Variants in ITFG1 observed in about 807,000 individuals in gnomAD.
ITFG1 encodes the protein T-cell immunomodulatory protein.
A neutral mutation model predicts 81.8 loss-of-function variants in ITFG1; 34 were observed. The observed-to-expected ratio is 0.42, with a 90% CI of 0.32 to 0.55. The LOEUF (loss-of-function observed/expected upper bound fraction) is 0.55, where lower values mean the gene tolerates loss of function less well. Among genes scored for constraint, ITFG1 ranks in the 20% least tolerant of loss-of-function variants. ITFG1 has a pLI of 0.17. For synonymous variants in ITFG1, 285 were observed against 270.6 expected, an observed-to-expected ratio of 1.05 and a Z score of -0.52; for missense variants, 672 against 755.4, an observed-to-expected ratio of 0.89 and a Z score of 1.29.
intron 12 of ITFG1, among the ~76,000 whole-genome samples, chr16:47,250,644 T>A (rs1215398603): frequency 6.6e-6 from 1 of 152,180 alleles, no homozygotes; most frequent in Admixed American, 6.5e-5. Context: ...GGAGACAATT[T>A]CAAAAACAAA....
intron 8 of ITFG1, among the ~76,000 whole-genome samples, chr16:47,352,139 T>C (rs563708576): frequency 1.4e-4 from 21 of 152,318 alleles, no homozygotes; most frequent in South Asian, 4.1e-4. Flanking sequence ...ATTCGGGACA[T>C]TGGCATGGGG....
At chr16:47,226,669 A>G (rs922965549) in intron 13 of ITFG1, among the ~76,000 whole-genome samples, 1 of 151,882 alleles carries the variant, frequency 6.6e-6, no homozygotes, top group Non-Finnish European at 1.5e-5. Flanking sequence ...GATGGTTTCT[A>G]TTAAAACACT....
intron 6 of ITFG1, among the ~76,000 whole-genome samples, chr16:47,416,652 C>T (rs1467612896): frequency 6.6e-6 from 1 of 152,142 alleles, no homozygotes. Flanking sequence ...TTTAAAGGAG[C>T]CTGGCATTCC....
In ITFG1 at chr16:47,396,217, T is replaced by G. The variant is rs1015948008; in HGVS notation, c.656-20277A>C. 8 of 964,804 alleles carry G rather than the reference T, an allele frequency of 8.3e-6. No individual in the cohort carries two copies. The African/African-American group carries it at 8.8e-5, about 11-fold the overall frequency. 59.8% of individuals were successfully genotyped at this position (964,804 alleles called of 1,614,324 possible). ...CGGCTGCAACTCAGAGCAAATACAT[T>G]GTTAAATGCCAAAATGGAGTAGGTA... On this transcript the variant is annotated intron_variant, in intron 6 of 17. Transcript: ENST00000320640.
chr16:47,162,505 T>C (rs753984407), intron 15 of ITFG1, 35 bp downstream of exon 15: 28 of 1,503,742 alleles, frequency 1.9e-5, no homozygotes, highest in South Asian at 6.1e-5. Flanking sequence ...TATTAAAACA[T>C]AGATTAATTG....
chr16:47,363,804 T>A (rs1968140694), intron 8 of ITFG1, among the ~76,000 whole-genome samples: 1 of 152,206 alleles, frequency 6.6e-6, no homozygotes, highest in Admixed American at 6.6e-5. Flanking sequence ...ATTATTACCC[T>A]TTGGCTCTGT....
At chr16:47,421,582 G>C (rs2151606837) in intron 6 of ITFG1, among the ~76,000 whole-genome samples, 1 of 152,096 alleles carries the variant, frequency 6.6e-6, no homozygotes, top group South Asian at 2.1e-4. Flanking sequence ...GGATTACAGG[G>C]GTGAGCCACC....
At chr16:47,223,815 C>T (rs1045910216) in intron 13 of ITFG1, among the ~76,000 whole-genome samples, 5 of 152,106 alleles carry the variant, frequency 3.3e-5, no homozygotes, top group African/African-American at 1.2e-4. Context: ...GGAACCAACC[C>T]AAATGTCCAA....
intron 12 of ITFG1, among the ~76,000 whole-genome samples, chr16:47,256,414 G>A (rs1241333294): frequency 1.3e-5 from 2 of 152,118 alleles, no homozygotes; most frequent in African/African-American, 4.8e-5. Flanking sequence ...ACTGAACTTG[G>A]TTATTCTAAT....
chr16:47,220,005 A>G (rs1315743653), intron 13 of ITFG1, among the ~76,000 whole-genome samples: 1 of 152,234 alleles, frequency 6.6e-6, no homozygotes, highest in Non-Finnish European at 1.5e-5. Context: ...TCATGAGAGA[A>G]TTAGCAAAAT....
At chr16:47,241,172 T>C (rs531386454) in intron 12 of ITFG1, among the ~76,000 whole-genome samples, 37 of 152,192 alleles carry the variant, frequency 2.4e-4, no homozygotes, top group Admixed American at 9.8e-4. Flanking sequence ...TGTGAAGAAA[T>C]TGGAACTCTC....
chr16:47,306,544 A>C (rs941902339), intron 10 of ITFG1, among the ~76,000 whole-genome samples: 1 of 152,136 alleles, frequency 6.6e-6, no homozygotes, highest in South Asian at 2.1e-4. Context: ...TTATTATCAA[A>C]ATATATGACC....
chr16:47,369,920 A>G (rs1467081371), intron 7 of ITFG1, among the ~76,000 whole-genome samples: 1 of 132,824 alleles, frequency 7.5e-6, no homozygotes, highest in East Asian at 2.2e-4. Flanking sequence ...GCTCACTCCA[A>G]CTCCACTTCC....
At chr16:47,279,333 GT>G (rs898353614) in intron 10 of ITFG1, among the ~76,000 whole-genome samples, 3 of 150,878 alleles carry the variant, frequency 2.0e-5, no homozygotes, top group African/African-American at 7.3e-5. Flanking sequence ...TTTAGTCAAG[GT>G]TTTTTTTTCC....
At chr16:47,376,595 T>C (rs1247580276) in intron 6 of ITFG1, among the ~76,000 whole-genome samples, 2 of 152,208 alleles carry the variant, frequency 1.3e-5, no homozygotes, top group Non-Finnish European at 2.9e-5. Context: ...TTTATTATGT[T>C]TGTATCATGG....
At chr16:47,172,314 G>A (rs575362387) in intron 14 of ITFG1, among the ~76,000 whole-genome samples, 1 of 152,214 alleles carries the variant, frequency 6.6e-6, no homozygotes, top group South Asian at 2.1e-4. Context: ...GCAAAACCCT[G>A]TCTCTACTAA....
At chr16:47,460,276 T>C (rs1385719784) in intron 1 of ITFG1, among the ~76,000 whole-genome samples, 1 of 152,120 alleles carries the variant, frequency 6.6e-6, no homozygotes, top group Non-Finnish European at 1.5e-5. Context: ...GTGAGCTGTT[T>C]AGTGTTTAGG....
intron 14 of ITFG1, among the ~76,000 whole-genome samples, chr16:47,204,715 G>A (rs1288862547): frequency 6.6e-6 from 1 of 152,282 alleles, no homozygotes; most frequent in Middle Eastern, 3.4e-3. Context: ...GTATTATTAA[G>A]GTGCATGCAT....
At chr16:47,349,667 C>G (rs1967920131) in intron 8 of ITFG1, among the ~76,000 whole-genome samples, 1 of 152,116 alleles carries the variant, frequency 6.6e-6, no homozygotes, top group African/African-American at 2.4e-5. Context: ...AGAAAGTTAA[C>G]AAGGATATCC....
Sources: gnomAD v4.1 joint callset for allele counts (sites outside exome capture counted in the v4.1 genomes callset) on GRCh38, gnomAD v4.1.1 for gene constraint, MANE v1.5 for transcripts, NCBI Gene and HGNC (gene_info 2026-07-23, HGNC 2026-07-21) for gene names.